SGIP1: variants seen among roughly 807,000 people sequenced by gnomAD.
The protein encoded by SGIP1 is SH3-containing GRB2-like protein 3-interacting protein 1.
A neutral mutation model predicts 107.5 loss-of-function variants in SGIP1; 38 were observed. The observed-to-expected ratio is 0.35, with a 90% confidence interval of 0.27 to 0.46. The LOEUF is 0.46. Among genes scored for constraint, SGIP1 ranks in the 20% least tolerant of loss-of-function variants. The pLI is 1.00. For missense variants in SGIP1, 929 were observed against 1,019.5 expected, an observed-to-expected ratio of 0.91 and a Z score of 1.21; for synonymous variants, 365 against 366.1, an observed-to-expected ratio of 1.00 and a Z score of 0.03.
chr1:66,564,896 T>G (rs2059435162), intron 1 of SGIP1, among the ~76,000 whole-genome samples: 1 of 151,904 alleles, frequency 6.6e-6, no homozygotes, highest in Non-Finnish European at 1.5e-5. Context: ...ATAGTACTAG[T>G]GAGTATTTTT....
In SGIP1 at chr1:66,704,964, T is replaced by C. The variant is rs2092359829; in HGVS notation, c.1630+9471T>C. Among the ~76,000 whole-genome samples, 4 of 152,232 alleles carry C rather than the reference T, an allele frequency of 2.6e-5. No individual in the cohort carries two copies. In the South Asian group the frequency reaches 8.3e-4, roughly 31 times the overall value. On this transcript the variant is annotated intron_variant, in intron 18 of 24. Coordinates refer to ENST00000371037, the MANE Select transcript of SGIP1 (RefSeq NM_032291.4). ...TAAGATAATAGTTAGTATTAATGAA[T>C]ATTTAATATGTGCTAGACATGTGCT...
rs754002247 is a variant in SGIP1 at position 66,679,750 on chromosome 1, C to T, written c.812C>T (p.Pro271Leu). ...ACAGGATCCCCCTTAACAATTGGACCAGGTACGCTTTTGTTTTTTCAGTTC... is the reference window on the plus strand; with the variant it reads ...ACAGGATCCCCCTTAACAATTGGACTAGGTACGCTTTTGTTTTTTCAGTTC... Reference protein sequence around the residue: ...PRTGSPLTIGPGNDQSATEVK... With the variant: ...PRTGSPLTIGLGNDQSATEVK... Residue 271 changes from proline to leucine, a missense_variant and splice_region_variant, in exon 14 of 25, where the codon CCA (proline) becomes CTA (leucine). Coordinates refer to ENST00000371037, the MANE Select transcript of SGIP1 (RefSeq NM_032291.4). The T allele has an allele frequency of 1.3e-6, 2 of 1,592,372 alleles. No homozygotes were observed. Among genetic ancestry groups the T allele is most frequent in the South Asian group, 1.2e-5 (1 of 86,690 alleles).
intron 3 of SGIP1, chr1:66,634,182 T>C: frequency 6.2e-7 from 1 of 1,601,536 alleles, no homozygotes; most frequent in Non-Finnish European, 8.5e-7. Flanking sequence ...TGCTTCTGTG[T>C]CTCTTCTTTG....
chr1:66,629,709 AT>A (rs1018791448), intron 2 of SGIP1, among the ~76,000 whole-genome samples: 1 of 152,214 alleles, frequency 6.6e-6, no homozygotes, highest in Non-Finnish European at 1.5e-5. Flanking sequence ...GAAAAAAATT[AT>A]TTTAAAATAC....
chr1:66,599,956 C>T (rs893006200), intron 1 of SGIP1, among the ~76,000 whole-genome samples: 1 of 152,102 alleles, frequency 6.6e-6, no homozygotes, highest in African/African-American at 2.4e-5. Flanking sequence ...ATCCCTGATA[C>T]CATCTTTGTA....
At chr1:66,552,552 A>G (rs187199374) in intron 1 of SGIP1, among the ~76,000 whole-genome samples, 1 of 152,220 alleles carries the variant, frequency 6.6e-6, no homozygotes, top group Admixed American at 6.5e-5. Context: ...CATTGATAAG[A>G]CAGCAGCCTT....
In SGIP1 at chr1:66,553,393, C is replaced by A. The variant is rs370901998; in HGVS notation, c.10+19025C>A. On this transcript the variant is annotated intron_variant, in intron 1 of 24. Transcript: ENST00000371037. ...ATAAAGTCATCAAAAATGAGGCCAA[C>A]GGCTGGACGTGGTAGTTCACACCTA... Among the ~76,000 whole-genome samples, 13 of 151,744 alleles carry A rather than the reference C, an allele frequency of 8.6e-5. No individual in the cohort carries two copies. In the East Asian group the frequency reaches 2.3e-3, roughly 27 times the overall value.
At chr1:66,630,877 A>AGGAAAGAGAG (rs2074268837) in intron 2 of SGIP1, among the ~76,000 whole-genome samples, 1 of 59,134 alleles carries the variant, frequency 1.7e-5, no homozygotes, top group Non-Finnish European at 3.1e-5. Context: ...GAAAGAAAGA[A>AGGAAAGAGAG]AGAAAGAAAG....
At chr1:66,546,514 T>A (rs575779304) in intron 1 of SGIP1, among the ~76,000 whole-genome samples, 1 of 152,322 alleles carries the variant, frequency 6.6e-6, no homozygotes, top group African/African-American at 2.4e-5. Context: ...CCCTTGGTGA[T>A]CTCATCAGCA....
At position 66,739,341 on chromosome 1, in the gene SGIP1, G is replaced by T; in HGVS notation, c.2038G>T (p.Ala680Ser). 6.2e-7 allele frequency: 1 copy of T among 1,607,388 alleles called. No individual in the cohort carries two copies. Among genetic ancestry groups the T allele is most frequent in the Admixed American group, 1.7e-5 (1 of 59,740 alleles). ...NVDMLKYQVSAQGIQSTPLNL... is the reference protein window; with the variant it reads ...NVDMLKYQVSSQGIQSTPLNL... ...TTTCCTGTCGTTCGGCAAGGTGTCT[G>T]CCCAGGGCATTCAGTCCACACCTCT... Residue 680 changes from alanine to serine, a missense_variant, in exon 22 of 25, where the codon GCC becomes TCC. By Grantham distance (99) the Ala-to-Ser change is moderately conservative (BLOSUM62 1). Transcript: ENST00000371037.
chr1:66,618,084 C>T (rs2069879405), intron 1 of SGIP1, among the ~76,000 whole-genome samples: 1 of 152,160 alleles, frequency 6.6e-6, no homozygotes, highest in Admixed American at 6.5e-5. Flanking sequence ...AAGAAAATTC[C>T]TGATAAATTT....
intron 1 of SGIP1, among the ~76,000 whole-genome samples, chr1:66,570,826 T>G: frequency 6.6e-6 from 1 of 151,920 alleles, no homozygotes; most frequent in South Asian, 2.1e-4. Context: ...ATTTGAGAAT[T>G]ATTGCTTGGG....
chr1:66,557,684 T>C (rs1367331232), intron 1 of SGIP1, among the ~76,000 whole-genome samples: 1 of 152,060 alleles, frequency 6.6e-6, no homozygotes, highest in Non-Finnish European at 1.5e-5. Context: ...TGGAGAGAAA[T>C]AGGTAAGCAC....
At chr1:66,645,167 T>C (rs1482089343) in intron 7 of SGIP1, among the ~76,000 whole-genome samples, 2 of 152,190 alleles carry the variant, frequency 1.3e-5, no homozygotes, top group Non-Finnish European at 2.9e-5. Context: ...GGAAGCTACC[T>C]GGGGTAAGTA....
chr1:66,603,526 C>A (rs1208009229), intron 1 of SGIP1, among the ~76,000 whole-genome samples: 2 of 152,106 alleles, frequency 1.3e-5, no homozygotes, highest in African/African-American at 4.8e-5. Context: ...TGTATTGCTT[C>A]TGATACAGCA....
chr1:66,603,577 C>T (rs543034041), intron 1 of SGIP1, among the ~76,000 whole-genome samples: 82 of 152,230 alleles, frequency 5.4e-4, no homozygotes, highest in African/African-American at 1.9e-3. Flanking sequence ...AGACCACACA[C>T]TGTACTGGAA....
intron 9 of SGIP1, among the ~76,000 whole-genome samples, chr1:66,668,773 A>G (rs776136241): frequency 6.6e-5 from 10 of 152,264 alleles, no homozygotes; most frequent in Non-Finnish European, 8.8e-5. Flanking sequence ...CCCAGCTGTT[A>G]AGTGACATCA....
chr1:66,651,834 G>A (rs570415789), intron 7 of SGIP1, among the ~76,000 whole-genome samples: 1 of 152,242 alleles, frequency 6.6e-6, no homozygotes, highest in Admixed American at 6.5e-5. Context: ...TTGCACTTTT[G>A]TTTTAAATGT....
intron 1 of SGIP1, among the ~76,000 whole-genome samples, chr1:66,549,626 A>C (rs1402487354): frequency 6.6e-6 from 1 of 152,158 alleles, no homozygotes; most frequent in African/African-American, 2.4e-5. Flanking sequence ...GGCATTGTTA[A>C]TATTATCAGC....
Sources: allele counts gnomAD v4.1 joint callset (sites outside exome capture counted in the v4.1 genomes callset), GRCh38; gene constraint gnomAD v4.1.1; transcripts MANE v1.5; gene names NCBI Gene and HGNC (gene_info 2026-07-23, HGNC 2026-07-21).